LITAF: variants seen among roughly 807,000 people sequenced by gnomAD.
The protein encoded by LITAF is lipopolysaccharide induced TNF factor, also known as lipopolysaccharide-induced tumor necrosis factor-alpha factor.
In LITAF, 9 loss-of-function variants were observed where a neutral mutation model predicts 14.5. The observed-to-expected ratio is 0.62, with a 90% CI of 0.37 to 1.08. The LOEUF is 1.08. Ranked by LOEUF, LITAF falls within the 50% of genes least tolerant of loss-of-function variation. The pLI is 0.01. For missense variants in LITAF, 206 were observed against 213.4 expected (o/e 0.97, Z 0.22); for synonymous variants, 98 against 88.2 (o/e 1.11, Z -0.62).
At chr16:11,580,074 A>C (rs1023069433) in intron 1 of LITAF, among the ~76,000 whole-genome samples, 3 of 152,344 alleles carry the variant, frequency 2.0e-5, no homozygotes, top group South Asian at 2.1e-4. Flanking sequence ...GGAAATGCTC[A>C]TTGGAGCATT....
chr16:11,605,842 G>T lies in LITAF; in HGVS notation c.85+27691C>A, dbSNP rs1304610501. 1.3e-5 allele frequency among the ~76,000 whole-genome samples: 2 copies of T among 152,078 alleles called. No individual in the cohort carries two copies. Among genetic ancestry groups the T allele is most frequent in the South Asian group, 4.2e-4 (2 of 4,808 alleles). On this transcript the variant is annotated intron_variant, in intron 3 of 3. Transcript: ENST00000574848. The surrounding 1 kb of genome is among the most constrained non-coding windows in gnomAD (Gnocchi z 4.7). ...CACTACACATGTCACTCTCACAACC[G>T]CACCAGGAGGTAGGTTCCACTGTTC...
rs1356167946 is a variant in LITAF at position 11,547,786 on chromosome 16, G to A, written c.*1851C>T. The A allele has an allele frequency of 1.3e-5, 6 of 453,952 alleles. No individual in the cohort carries two copies. The Admixed American group carries it at 1.4e-4, about 11-fold the overall frequency. The allele number at this position is 453,952 out of a possible 1,614,324, so 28.1% of individuals were successfully genotyped here. ...CTTGCCGCCATCAATGACGCCTATTGGGTTCCAATAGCCTCATGTTCAAAT... is the reference window on the plus strand; with the variant it reads ...CTTGCCGCCATCAATGACGCCTATTAGGTTCCAATAGCCTCATGTTCAAAT... On this transcript the variant is annotated 3_prime_UTR_variant, in exon 4 of 4. Coordinates refer to ENST00000622633, the MANE Select transcript of LITAF (RefSeq NM_001136472.2).
rs149456220 is a variant in LITAF, at chr16:11,552,930, A to G, written c.377+603T>C. Among the ~76,000 whole-genome samples, 589 of 152,138 alleles carry G rather than the reference A, an allele frequency of 3.9e-3. 2 individuals carry two copies. The highest frequency in any genetic ancestry group is 0.014 in the African/African-American group (563 of 41,494). On this transcript the variant is annotated intron_variant, in intron 3 of 3. Coordinates refer to ENST00000622633, the MANE Select transcript of LITAF (RefSeq NM_001136472.2). ...GGAGTTCGAGACCAGCCTGGCCAACATGGTGAGACCCTATCTCTACTAAAA... is the reference window on the plus strand; with the variant it reads ...GGAGTTCGAGACCAGCCTGGCCAACGTGGTGAGACCCTATCTCTACTAAAA...
chr16:11,578,277 G>T (rs1014495981), intron 1 of LITAF, among the ~76,000 whole-genome samples: 3 of 152,150 alleles, frequency 2.0e-5, no homozygotes, highest in African/African-American at 7.2e-5. Context: ...GAACAGAGTC[G>T]CCAGGCGTGG....
intron 1 of LITAF, among the ~76,000 whole-genome samples, chr16:11,559,770 G>A (rs1597336133): frequency 6.7e-6 from 1 of 149,526 alleles, no homozygotes; most frequent in South Asian, 2.1e-4. Context: ...TGAGGCAGGA[G>A]GATGGCTTGA....
chr16:11,604,356 A>T (rs2064943680), intron 3 of LITAF, among the ~76,000 whole-genome samples: 1 of 152,234 alleles, frequency 6.6e-6, no homozygotes, highest in South Asian at 2.1e-4. Flanking sequence ...ATATATCATT[A>T]GTTCATTTAA....
Position 11,550,266 on chromosome 16 carries a change from T to C in LITAF, c.378-521A>G, listed in dbSNP as rs567596090. Among the ~76,000 whole-genome samples, 7 of 152,234 alleles carry C rather than the reference T, an allele frequency of 4.6e-5. No individual in the cohort carries two copies. The South Asian group carries it at 1.5e-3, about 32-fold the overall frequency. On this transcript the variant is annotated intron_variant, in intron 3 of 3. Coordinates refer to ENST00000622633, the MANE Select transcript of LITAF (RefSeq NM_001136472.2). ...CACCAGGCCCAGCTAATTTTTTTAT[T>C]ATTAGGAGAGTTGGGGTTTCACCGT...
At chr16:11,587,572 G>A (rs951831478), upstream of LITAF, 2 of 366,012 alleles carry the variant, frequency 5.5e-6, no homozygotes, top group South Asian at 2.0e-5. Flanking sequence ...GCACAGGATA[G>A]GTATTAGGTA....
intron 3 of LITAF, among the ~76,000 whole-genome samples, chr16:11,607,007 A>T (rs925939152): frequency 2.0e-5 from 3 of 152,174 alleles, no homozygotes; most frequent in Admixed American, 6.5e-5. Flanking sequence ...ATGGATGAGG[A>T]AACTGAGTTC....
chr16:11,547,964 C>A lies in LITAF; in HGVS notation c.*1673G>T, dbSNP rs1399085703. ...GCAATGGCTGGAAATGCAACATGAG[C>A]CCTTTCTTCACACCAAAAGAACTCA... On this transcript the variant is annotated 3_prime_UTR_variant, in exon 4 of 4. Transcript: ENST00000622633. The A allele has an allele frequency of 4.4e-6, 2 of 453,948 alleles. No homozygotes were observed. The highest frequency in any genetic ancestry group is 4.0e-5 in the African/African-American group (2 of 49,994). 28.1% of individuals were successfully genotyped at this position (453,948 alleles called of 1,614,324 possible).
chr16:11,631,853 C>CT (rs34507448), intron 3 of LITAF, among the ~76,000 whole-genome samples: 32,983 of 134,438 alleles, frequency 0.25, 4,116 homozygotes, highest in Middle Eastern at 0.28. Flanking sequence ...CTTTTCTTTT[C>CT]TTTTTTTTTT....
In LITAF at chr16:11,549,859, T is replaced by C; in HGVS notation, c.378-114A>G. 1 of 856,894 alleles carries C rather than the reference T, an allele frequency of 1.2e-6. No homozygotes were observed. Among genetic ancestry groups the C allele is most frequent in the African/African-American group, 1.7e-5 (1 of 59,676 alleles). The allele number at this position is 856,894 out of a possible 1,614,324, so 53.1% of individuals were successfully genotyped here. On this transcript the variant is annotated intron_variant, in intron 3 of 3. Transcript: ENST00000622633. This position sits in a 1 kb window ranked among gnomAD's most constrained non-coding sequence, Gnocchi z 4.6. Reference sequence around the variant, plus strand: ...TAAAAAGGGTCTTTGCCAGTATAATTAGGAATTTTGAGATGGGATCATCTT... The same window carrying C: ...TAAAAAGGGTCTTTGCCAGTATAATCAGGAATTTTGAGATGGGATCATCTT...
chr16:11,638,484 C>A (rs1000298355), upstream of LITAF, among the ~76,000 whole-genome samples: 1 of 151,790 alleles, frequency 6.6e-6, no homozygotes, highest in African/African-American at 2.4e-5. Flanking sequence ...AGGCGCATCA[C>A]GAGATCAGGA....
At chr16:11,626,678 G>T (rs534065503) in intron 3 of LITAF, among the ~76,000 whole-genome samples, 1 of 151,284 alleles carries the variant, frequency 6.6e-6, no homozygotes, top group African/African-American at 2.4e-5. Flanking sequence ...TACCATGTTG[G>T]CCAGGCTGGT....
chr16:11,623,318 T>G (rs1049518305), intron 3 of LITAF, among the ~76,000 whole-genome samples: 2 of 151,846 alleles, frequency 1.3e-5, no homozygotes, highest in African/African-American at 4.8e-5. Flanking sequence ...GGAAAGTCTG[T>G]GGTAAGGACT....
intron 3 of LITAF, chr16:11,633,512 A>C (rs1567269565): frequency 1.3e-5 from 2 of 152,176 alleles, no homozygotes; most frequent in Non-Finnish European, 2.9e-5. Context: ...GGTTGCAGTA[A>C]AGACGCCGGC....
At chr16:11,630,597 G>A (rs1484890406) in intron 3 of LITAF, among the ~76,000 whole-genome samples, 7 of 131,722 alleles carry the variant, frequency 5.3e-5, no homozygotes, top group Admixed American at 8.1e-5. Context: ...TTTTGGTGGT[G>A]AGACAGGGTC....
chr16:11,602,747 C>T (rs1338291577), upstream of LITAF, among the ~76,000 whole-genome samples: 5 of 136,114 alleles, frequency 3.7e-5, no homozygotes, highest in East Asian at 1.0e-3. Context: ...CTATTGTTCA[C>T]TGTGGCTTGT....
upstream of LITAF, chr16:11,587,387 C>T (rs956880042): frequency 4.0e-5 from 18 of 453,824 alleles, no homozygotes; most frequent in Non-Finnish European, 6.6e-5. Flanking sequence ...GGAGGGCGGC[C>T]CTTCTCTTCC....
Sources: gnomAD v4.1 joint callset for allele counts (sites outside exome capture counted in the v4.1 genomes callset) on GRCh38, gnomAD v4.1.1 for gene constraint, Gnocchi (gnomAD v3.1) non-coding constraint, MANE v1.5 for transcripts, NCBI Gene and HGNC (gene_info 2026-07-23, HGNC 2026-07-21) for gene names.